The following DAB2IP variants were observed in gnomAD, a reference collection of about 807,000 sequenced individuals.
The protein encoded by DAB2IP is disabled homolog 2-interacting protein.
DAB2IP carries 28 observed loss-of-function variants against 107.2 expected under a neutral mutation model. The ratio of observed to expected loss-of-function variants is 0.26; its 90% confidence interval spans 0.19 to 0.36. The LOEUF (loss-of-function observed/expected upper bound fraction) is 0.36. Ranked by LOEUF, DAB2IP falls within the 10% of genes least tolerant of loss-of-function variation. The probability of loss-of-function intolerance (pLI) is 1.00; values close to 1 mark genes in which losing one functional copy is unlikely to be tolerated. For synonymous variants in DAB2IP, 755 were observed against 706.4 expected (o/e 1.07, Z -1.09); for missense variants, 1,400 against 1,644.7 (o/e 0.85, Z 2.57).
At chr9:121,719,950 T>C (rs1269877803) in intron 3 of DAB2IP, among the ~76,000 whole-genome samples, 2 of 152,326 alleles carry the variant, frequency 1.3e-5, no homozygotes, top group East Asian at 3.9e-4. Context: ...AGAGAGTGTA[T>C]GGCCCACAAG....
At position 121,651,670 on chromosome 9, in the gene DAB2IP, G is replaced by C; in HGVS notation, c.-106G>C. The C allele has an allele frequency of 9.1e-7, 1 of 1,098,520 alleles. No individual in the cohort carries two copies. The highest frequency in any genetic ancestry group is 5.1e-5 in the Admixed American group (1 of 19,620). The allele number at this position is 1,098,520 out of a possible 1,614,324, so 68.0% of individuals were successfully genotyped here. A position where few individuals can be genotyped will look rare whatever the true frequency, so the allele number is the denominator to read the frequency against. ...GCAGCCAGGGCCTCGGCGGCCGCTC[G>C]GGCGAGCGCGGGAGAACGCGTGGGC... On this transcript the variant is annotated 5_prime_UTR_variant, in exon 1 of 16. Transcript: ENST00000408936. The surrounding 1 kb of genome is among the most constrained non-coding windows in gnomAD (Gnocchi z 5.1).
At chr9:121,601,025 G>A (rs1830670704) in intron 1 of DAB2IP, among the ~76,000 whole-genome samples, 1 of 152,164 alleles carries the variant, frequency 6.6e-6, no homozygotes. Context: ...TTTGAGAAAA[G>A]TGCACAGATG....
chr9:121,763,990 T>TG, intron 8 of DAB2IP, 111 bp downstream of exon 8: 1 of 1,458,716 alleles, frequency 6.9e-7, no homozygotes. Context: ...TGTACTGACT[T>TG]GCCAGTCCCC....
chr9:121,699,707 C>A lies in DAB2IP; in HGVS notation c.362+249C>A, dbSNP rs578113011. On this transcript the variant is annotated intron_variant, in intron 3 of 15. Coordinates refer to ENST00000408936, the Ensembl canonical transcript of DAB2IP. This position sits in a 1 kb window ranked among gnomAD's most constrained non-coding sequence, Gnocchi z 6.2. ...CAGAGGGTGCCCGCGGCGGCCCGGG[C>A]GAGGCCGGGCGCGAAGTCCCCTCGC... Among the ~76,000 whole-genome samples the A allele has an allele frequency of 6.6e-6, 1 of 152,148 alleles. No individual in the cohort carries two copies. Among genetic ancestry groups the A allele is most frequent in the Admixed American group, 6.5e-5 (1 of 15,296 alleles).
Position 121,739,743 on chromosome 9 carries a change from C to T in DAB2IP, c.363-17270C>T, listed in dbSNP as rs1001884846. Among the ~76,000 whole-genome samples the T allele has an allele frequency of 3.9e-5, 6 of 152,260 alleles. No individual in the cohort carries two copies. In the East Asian group the frequency reaches 5.8e-4, roughly 15 times the overall value. ...AGGCAAGCATGGAGACACATGGGTC[C>T]GGAGCTCAGAGGAGGATAGGGCTGG... On this transcript the variant is annotated intron_variant, in intron 3 of 15. Transcript: ENST00000408936.
chr9:121,580,842 G>T (rs1830180294), intron 1 of DAB2IP, among the ~76,000 whole-genome samples: 1 of 152,154 alleles, frequency 6.6e-6, no homozygotes, highest in Non-Finnish European at 1.5e-5. Context: ...AGCCAGGATG[G>T]TCTCAATCTC....
At position 121,772,961 on chromosome 9, in the gene DAB2IP, C is replaced by T. The variant is rs577607201; in HGVS notation, c.2433C>T (p.Gly811=). Reference sequence around the variant, plus strand: ...CAGGCCAGACACCAACCACACCAGGCACCTCCGAGGGCGCGCCAGGCCGGC... The same window carrying T: ...CAGGCCAGACACCAACCACACCAGGTACCTCCGAGGGCGCGCCAGGCCGGC... Residue 811 remains glycine (G), a synonymous_variant, in exon 12 of 16, where the codon GGC becomes GGT. Transcript: ENST00000408936. This position sits in a 1 kb window ranked among gnomAD's most constrained non-coding sequence, Gnocchi z 4.7. 6.3e-7 allele frequency: 1 copy of T among 1,583,868 alleles called. No individual in the cohort carries two copies. Among genetic ancestry groups the T allele is most frequent in the East Asian group, 2.2e-5 (1 of 44,634 alleles).
intron 3 of DAB2IP, among the ~76,000 whole-genome samples, chr9:121,705,046 G>T (rs1434649537): frequency 6.6e-6 from 1 of 152,240 alleles, no homozygotes; most frequent in African/African-American, 2.4e-5. Flanking sequence ...CGACCTGGAC[G>T]TATAGAAGAA....
intron 2 of DAB2IP, among the ~76,000 whole-genome samples, chr9:121,695,009 G>A (rs1829349525): frequency 1.3e-5 from 2 of 152,180 alleles, no homozygotes; most frequent in South Asian, 4.1e-4. Context: ...AGACTGTGTA[G>A]GCTGCTTGCT....
At chr9:121,666,608 G>A (rs1054006814) in intron 1 of DAB2IP, among the ~76,000 whole-genome samples, 9 of 152,118 alleles carry the variant, frequency 5.9e-5, no homozygotes, top group Non-Finnish European at 2.9e-5. Flanking sequence ...GGGTTGGGGG[G>A]CCAGGGGAGG....
At chr9:121,659,085 A>G (rs1488083060) in intron 1 of DAB2IP, among the ~76,000 whole-genome samples, 5 of 152,138 alleles carry the variant, frequency 3.3e-5, no homozygotes, top group African/African-American at 1.2e-4. Flanking sequence ...ACAGGGAGGG[A>G]GATGTTGGGG....
At chr9:121,764,735 C>T (rs751830728) in intron 8 of DAB2IP, among the ~76,000 whole-genome samples, 18 of 152,218 alleles carry the variant, frequency 1.2e-4, no homozygotes, top group Non-Finnish European at 2.2e-4. Flanking sequence ...ACTCTCTCCC[C>T]GGCCTTACCT....
chr9:121,755,882 G>A (rs541180129), intron 3 of DAB2IP, among the ~76,000 whole-genome samples: 109 of 152,342 alleles, frequency 7.2e-4, no homozygotes, highest in African/African-American at 2.4e-3. Context: ...CCCAAGGTAG[G>A]GGTCTTGGTT....
chr9:121,688,340 C>T (rs895916743), intron 2 of DAB2IP, among the ~76,000 whole-genome samples: 1 of 152,204 alleles, frequency 6.6e-6, no homozygotes, highest in African/African-American at 2.4e-5. Context: ...GGCTCTGCAT[C>T]GGGATGAGTA....
chr9:121,767,171 G>T (rs1834344578), intron 9 of DAB2IP, among the ~76,000 whole-genome samples: 1 of 152,220 alleles, frequency 6.6e-6, no homozygotes, highest in Non-Finnish European at 1.5e-5. Flanking sequence ...CTATCAGGAT[G>T]TCTTTGCTGA....
chr9:121,622,978 G>A (rs955665662), intron 1 of DAB2IP, among the ~76,000 whole-genome samples: 1 of 152,228 alleles, frequency 6.6e-6, no homozygotes, highest in African/African-American at 2.4e-5. Context: ...GCATTCCTGA[G>A]AATGAGCATG....
At chr9:121,685,474 A>G (rs982380301) in intron 2 of DAB2IP, among the ~76,000 whole-genome samples, 2 of 152,178 alleles carry the variant, frequency 1.3e-5, no homozygotes, top group Admixed American at 6.5e-5. Flanking sequence ...CCACCCCATT[A>G]ATACACAGGA....
rs568222897 is a variant in DAB2IP, at chr9:121,723,765, G to C, written c.362+24307G>C. ...AGAGCTGGTTGAGGATTGGGCCCAG[G>C]GGGTAGGGCGGAGAGGAGGGTGCAT... is the stretch of plus-strand genomic sequence containing the variant. On this transcript the variant is annotated intron_variant, in intron 3 of 15. Transcript: ENST00000408936. Among the ~76,000 whole-genome samples the C allele has an allele frequency of 5.3e-5, 8 of 152,338 alleles. No individual in the cohort carries two copies. The East Asian group carries it at 7.7e-4, about 15-fold the overall frequency.
intron 1 of DAB2IP, among the ~76,000 whole-genome samples, chr9:121,641,937 C>G (rs1564128332): frequency 4.4e-5 from 5 of 112,602 alleles, no homozygotes; most frequent in Non-Finnish European, 8.5e-5. Flanking sequence ...TTCTTTCTTT[C>G]TCTCTTTCTT....
Sources: gnomAD v4.1 joint callset for allele counts (sites outside exome capture counted in the v4.1 genomes callset) on GRCh38, gnomAD v4.1.1 for gene constraint, Gnocchi (gnomAD v3.1) non-coding constraint, MANE v1.5 for transcripts, NCBI Gene and HGNC (gene_info 2026-07-23, HGNC 2026-07-21) for gene names.